Variants in EYA4 observed in about 807,000 individuals in gnomAD.
The protein encoded by EYA4 is protein phosphatase EYA4.
Under a neutral mutation model 87.9 loss-of-function variants are expected in EYA4, and 31 were observed. The ratio of observed to expected loss-of-function variants is 0.35; its 90% CI spans 0.27 to 0.48. The LOEUF (loss-of-function observed/expected upper bound fraction) is 0.48, where lower values mean the gene tolerates loss of function less well. Among genes scored for constraint, EYA4 ranks in the 20% least tolerant of loss-of-function variants. The probability of loss-of-function intolerance (pLI) is 0.99; values close to 1 mark genes in which losing one functional copy is unlikely to be tolerated. For synonymous variants in EYA4, 263 were observed against 270.6 expected, an observed-to-expected ratio of 0.97 and a Z score of 0.28; for missense variants, 678 against 761.4, an observed-to-expected ratio of 0.89 and a Z score of 1.29.
intron 2 of EYA4, among the ~76,000 whole-genome samples, chr6:133,296,623 G>A (rs576520735): frequency 3.3e-5 from 5 of 152,294 alleles, no homozygotes; most frequent in African/African-American, 1.2e-4. Flanking sequence ...TTGACCCTAA[G>A]TATTATGATG....
At chr6:133,428,441 G>A (rs1790869852) in intron 3 of EYA4, among the ~76,000 whole-genome samples, 1 of 152,158 alleles carries the variant, frequency 6.6e-6, no homozygotes, top group South Asian at 2.1e-4. Flanking sequence ...AAGAGTAGTT[G>A]TATCACTTAA....
At chr6:133,426,386 G>C (rs1019479851) in intron 3 of EYA4, among the ~76,000 whole-genome samples, 1 of 152,218 alleles carries the variant, frequency 6.6e-6, no homozygotes, top group Non-Finnish European at 1.5e-5. Context: ...TCATCAAGTT[G>C]TAATATCCCA....
chr6:133,398,853 A>G (rs1369641930), intron 3 of EYA4, among the ~76,000 whole-genome samples: 2 of 152,200 alleles, frequency 1.3e-5, no homozygotes, highest in African/African-American at 2.4e-5. Context: ...CTTGTCCCCA[A>G]ATAAAACCAG....
chr6:133,293,949 A>G (rs1424048945), intron 2 of EYA4, among the ~76,000 whole-genome samples: 1 of 131,694 alleles, frequency 7.6e-6, no homozygotes, highest in Non-Finnish European at 1.6e-5. Context: ...TGTTTTATAT[A>G]TATAAATATA....
intron 13 of EYA4, among the ~76,000 whole-genome samples, chr6:133,483,854 G>A (rs1050069611): frequency 2.2e-4 from 33 of 151,900 alleles, no homozygotes; most frequent in African/African-American, 7.7e-4. Context: ...CTCTCGAGTA[G>A]CTGGGATCAC....
Position 133,530,488 on chromosome 6 carries a change from A to G in EYA4, c.*1683A>G, listed in dbSNP as rs1800946927. 15 of 985,714 alleles carry G rather than the reference A, an allele frequency of 1.5e-5. No homozygotes were observed. The South Asian group carries it at 1.9e-4, about 12-fold the overall frequency. 61.1% of individuals were successfully genotyped at this position (985,714 alleles called of 1,614,324 possible). A position where few individuals can be genotyped will look rare whatever the true frequency, so the allele number is the denominator to read the frequency against. ...CCTGCAGTTCTGTGTTTAAAATGTC[A>G]TAATGTGGATCCTGGAGTCAGGCTA... On this transcript the variant is annotated 3_prime_UTR_variant, in exon 20 of 20. Coordinates refer to ENST00000355286, the MANE Select transcript of EYA4 (RefSeq NM_004100.5).
intron 2 of EYA4, among the ~76,000 whole-genome samples, chr6:133,279,020 A>G (rs1416796693): frequency 6.6e-6 from 1 of 152,112 alleles, no homozygotes; most frequent in Non-Finnish European, 1.5e-5. Flanking sequence ...TTATTTTTAT[A>G]GCTTCTATAA....
At chr6:133,321,453 T>G (rs1310336470) in intron 2 of EYA4, among the ~76,000 whole-genome samples, 2 of 152,216 alleles carry the variant, frequency 1.3e-5, no homozygotes, top group Non-Finnish European at 2.9e-5. Context: ...CTTTCTCATG[T>G]TTTAAATTTA....
At chr6:133,319,722 CTT>C (rs58829338) in intron 2 of EYA4, among the ~76,000 whole-genome samples, 3 of 143,302 alleles carry the variant, frequency 2.1e-5, no homozygotes. Context: ...TTCTTTTCTT[CTT>C]TTTTTTTTTT....
chr6:133,446,844 T>G, intron 4 of EYA4, 90 bp downstream of exon 4: 13 of 1,160,476 alleles, frequency 1.1e-5, no homozygotes, highest in Non-Finnish European at 1.5e-5. Context: ...AATAAATATC[T>G]TATTATCAAT....
intron 2 of EYA4, among the ~76,000 whole-genome samples, chr6:133,280,011 A>G (rs1377090724): frequency 6.6e-6 from 1 of 152,138 alleles, no homozygotes; most frequent in Non-Finnish European, 1.5e-5. Context: ...ATTCTTGGGT[A>G]CTCTAAACCC....
chr6:133,354,879 G>T (rs547118177), intron 2 of EYA4, among the ~76,000 whole-genome samples: 2 of 152,258 alleles, frequency 1.3e-5, no homozygotes, highest in South Asian at 4.1e-4. Flanking sequence ...GTGTTTTGTT[G>T]TTGTTGTTGT....
At chr6:133,518,194 T>C (rs912908406) in intron 17 of EYA4, among the ~76,000 whole-genome samples, 17 of 151,952 alleles carry the variant, frequency 1.1e-4, no homozygotes, top group African/African-American at 4.1e-4. Flanking sequence ...ATGTCTTCTA[T>C]ATAAGTTAAA....
chr6:133,520,806 A>G (rs10872407), intron 17 of EYA4, among the ~76,000 whole-genome samples: 83,777 of 143,366 alleles, frequency 0.58, 23,233 homozygotes, highest in East Asian at 0.72. Flanking sequence ...CAGAAATAAC[A>G]CCGCCTATCT....
At chr6:133,483,846 C>T (rs1422559019) in intron 13 of EYA4, among the ~76,000 whole-genome samples, 2 of 151,884 alleles carry the variant, frequency 1.3e-5, no homozygotes, top group African/African-American at 4.8e-5. Flanking sequence ...GCCTCAGCCT[C>T]TCGAGTAGCT....
At chr6:133,318,890 T>TA (rs1780831257) in intron 2 of EYA4, among the ~76,000 whole-genome samples, 1 of 152,234 alleles carries the variant, frequency 6.6e-6, no homozygotes. Context: ...ACGCACGCAC[T>TA]ATATTAATGC....
rs752341726 is a variant in EYA4 at position 133,255,604 on chromosome 6, A to AT, written c.-66+13864dup. On this transcript the variant is annotated intron_variant, in intron 1 of 19. Transcript: ENST00000355286. The stretch of plus-strand genomic sequence containing the variant: ...TACTTAGATGTGCATCTTTTCAGGC[A>AT]TTTTTTTTTCTATATATGTGTAAAT... 2.0e-3 allele frequency among the ~76,000 whole-genome samples: 303 copies of AT among 151,288 alleles called. 2 individuals are homozygous for AT. The highest frequency in any genetic ancestry group is 9.9e-3 in the Admixed American group (150 of 15,166).
rs558313987 is a variant in EYA4 at position 133,293,768 on chromosome 6, T to C, written c.33+18955T>C. 1.2e-4 allele frequency among the ~76,000 whole-genome samples: 18 copies of C among 151,636 alleles called. No individual in the cohort carries two copies. In the East Asian group the frequency reaches 2.9e-3, roughly 25 times the overall value. ...CTGGGCAACATGGTGAAACCCCATC[T>C]CTACAAAAACATACAAAAATTAGAC... is the stretch of plus-strand genomic sequence containing the variant. On this transcript the variant is annotated intron_variant, in intron 2 of 19. Transcript: ENST00000355286.
chr6:133,258,848 T>C (rs948190947), intron 1 of EYA4, among the ~76,000 whole-genome samples: 4 of 152,066 alleles, frequency 2.6e-5, no homozygotes, highest in African/African-American at 9.7e-5. Context: ...TAGTCTTTTT[T>C]CCCCCTTCAA....
Sources: allele counts gnomAD v4.1 joint callset (sites outside exome capture counted in the v4.1 genomes callset), GRCh38; gene constraint gnomAD v4.1.1; transcripts MANE v1.5; gene names NCBI Gene and HGNC (gene_info 2026-07-23, HGNC 2026-07-21).